The following CHD7 variants were observed in gnomAD, a reference collection of about 807,000 sequenced individuals.
The protein encoded by CHD7 is chromodomain helicase DNA binding protein 7.
CHD7 carries 24 observed loss-of-function variants against 307.3 expected under a neutral mutation model. The ratio of observed to expected loss-of-function variants is 0.08; its 90% confidence interval spans 0.06 to 0.11. CHD7 has a LOEUF of 0.11. Ranked by LOEUF, CHD7 falls within the 10% of genes least tolerant of loss-of-function variation. The pLI, the probability that CHD7 is intolerant of heterozygous loss-of-function variation, is 1.00. For synonymous variants in CHD7, 1,363 were observed against 1,349.9 expected (o/e 1.01, Z -0.21); for missense variants, 3,106 against 3,727.1 (o/e 0.83, Z 4.34).
At chr8:60,841,817 T>G in intron 20 of CHD7, 30 bp from the exon 21 acceptor site, 2 of 1,609,692 alleles carry the variant, frequency 1.2e-6, no homozygotes, top group Non-Finnish European at 1.7e-6. Flanking sequence ...CTTTGAGAAA[T>G]GTCAAATGTA....
At chr8:60,860,304 A>G (rs148570368) in intron 34 of CHD7, among the ~76,000 whole-genome samples, 236 of 152,308 alleles carry the variant, frequency 1.5e-3, no homozygotes, top group Middle Eastern at 6.8e-3. Context: ...AGCTCAGACT[A>G]TACCCCCCAT....
At chr8:60,736,213 C>T (rs979926821) in intron 1 of CHD7, among the ~76,000 whole-genome samples, 1 of 152,150 alleles carries the variant, frequency 6.6e-6, no homozygotes, top group African/African-American at 2.4e-5. Context: ...AGGTTCTTGT[C>T]AGTTGGATAG....
chr8:60,839,813 T>C (rs369151063), intron 19 of CHD7, among the ~76,000 whole-genome samples: 80 of 152,352 alleles, frequency 5.3e-4, no homozygotes, highest in South Asian at 2.5e-3. Context: ...ACTTAAAATA[T>C]GTTCTGTATG....
intron 2 of CHD7, among the ~76,000 whole-genome samples, chr8:60,767,505 G>A (rs773001311): frequency 5.9e-5 from 9 of 152,240 alleles, no homozygotes; most frequent in Non-Finnish European, 1.2e-4. Context: ...GTGACTGAAA[G>A]CCAGTGCAGA....
At chr8:60,854,792 G>C (rs1322259406) in intron 32 of CHD7, among the ~76,000 whole-genome samples, 1 of 152,190 alleles carries the variant, frequency 6.6e-6, no homozygotes, top group Non-Finnish European at 1.5e-5. Flanking sequence ...TTGGCTCCAT[G>C]TGGCTTTTAG....
intron 2 of CHD7, among the ~76,000 whole-genome samples, chr8:60,758,806 A>G (rs895990581): frequency 6.6e-6 from 1 of 152,238 alleles, no homozygotes; most frequent in Non-Finnish European, 1.5e-5. Context: ...GATATCCTTC[A>G]TGTGCACTTC....
At chr8:60,799,009 T>TAA (rs1812166363) in intron 4 of CHD7, among the ~76,000 whole-genome samples, 1 of 152,230 alleles carries the variant, frequency 6.6e-6, no homozygotes, top group South Asian at 2.1e-4. Context: ...GTTGTCTGTC[T>TAA]TTTCACATTC....
chr8:60,750,950 G>T (rs1809613141), intron 2 of CHD7, among the ~76,000 whole-genome samples: 1 of 152,172 alleles, frequency 6.6e-6, no homozygotes, highest in Admixed American at 6.5e-5. Context: ...GTGTTTTTAG[G>T]TATAATGAAT....
Position 60,706,660 on chromosome 8 carries a change from A to G in CHD7, c.-175+27578A>G, listed in dbSNP as rs145769228. On this transcript the variant is annotated intron_variant, in intron 1 of 37. Transcript: ENST00000423902. ...TTTATCTTCAAATTATAAGGACAAA[A>G]CTATAGTAATTTATGATTTGGTGAT... Among the ~76,000 whole-genome samples, 709 of 152,212 alleles carry G rather than the reference A, an allele frequency of 4.7e-3. 2 individuals carry two copies. The highest frequency in any genetic ancestry group is 0.016 in the African/African-American group (669 of 41,532).
chr8:60,682,099 CTT>C (rs1302223922), intron 1 of CHD7, among the ~76,000 whole-genome samples: 1 of 152,090 alleles, frequency 6.6e-6, no homozygotes, highest in African/African-American at 2.4e-5. Flanking sequence ...AAAGAAATAA[CTT>C]TTTTTCCCAA....
At chr8:60,789,798 G>A (rs1270965238) in intron 3 of CHD7, among the ~76,000 whole-genome samples, 1 of 152,216 alleles carries the variant, frequency 6.6e-6, no homozygotes, top group African/African-American at 2.4e-5. Context: ...CCGTCCTTAC[G>A]AACTTACAGT....
intron 1 of CHD7, among the ~76,000 whole-genome samples, chr8:60,686,522 G>A (rs1805900200): frequency 1.3e-5 from 2 of 152,170 alleles, no homozygotes; most frequent in Admixed American, 6.5e-5. Flanking sequence ...GCTTCTTTGG[G>A]GCCTGCCTTC....
intron 1 of CHD7, among the ~76,000 whole-genome samples, chr8:60,701,081 A>G (rs1435423123): frequency 6.6e-6 from 1 of 152,244 alleles, no homozygotes; most frequent in Non-Finnish European, 1.5e-5. Flanking sequence ...GTTATGTGAA[A>G]GTAACAGGTA....
chr8:60,724,595 A>G (rs909052426), intron 1 of CHD7, among the ~76,000 whole-genome samples: 2 of 152,094 alleles, frequency 1.3e-5, no homozygotes, highest in Non-Finnish European at 2.9e-5. Context: ...ATGTAAAGAG[A>G]GTGTTTGAGC....
chr8:60,836,705 A>T, intron 16 of CHD7, 112 bp from the exon 17 acceptor site: 1 of 734,224 alleles, frequency 1.4e-6, no homozygotes. Context: ...CTGTTAAGTC[A>T]TATTAGTCTT....
chr8:60,813,141 A>C (rs564293317), intron 7 of CHD7, among the ~76,000 whole-genome samples: 1 of 152,266 alleles, frequency 6.6e-6, no homozygotes, highest in African/African-American at 2.4e-5. Context: ...ATTTATTGCT[A>C]AGTATTTTAT....
At chr8:60,730,926 C>T (rs1808420782) in intron 1 of CHD7, among the ~76,000 whole-genome samples, 1 of 152,022 alleles carries the variant, frequency 6.6e-6, no homozygotes, top group Non-Finnish European at 1.5e-5. Flanking sequence ...AATTGTGTAC[C>T]CTTCTGAGTA....
chr8:60,764,718 A>T (rs1428603437), intron 2 of CHD7, among the ~76,000 whole-genome samples: 2 of 152,220 alleles, frequency 1.3e-5, no homozygotes, highest in Non-Finnish European at 2.9e-5. Flanking sequence ...CCCCTTTAAA[A>T]ATCCCAGTTA....
chr8:60,776,594 A>G (rs1222990814), intron 2 of CHD7, among the ~76,000 whole-genome samples: 1 of 152,234 alleles, frequency 6.6e-6, no homozygotes, highest in Non-Finnish European at 1.5e-5. Flanking sequence ...ACTCTTTCCC[A>G]GCAGGTACTA....
Sources: allele counts gnomAD v4.1 joint callset (sites outside exome capture counted in the v4.1 genomes callset), GRCh38; gene constraint gnomAD v4.1.1; transcripts MANE v1.5; gene names NCBI Gene and HGNC (gene_info 2026-07-23, HGNC 2026-07-21).